The following PARD3 variants were observed in gnomAD, a reference collection of about 807,000 sequenced individuals.
PARD3 encodes par-3 family cell polarity regulator.
In PARD3, 75 loss-of-function variants were observed where a neutral mutation model predicts 155.4. The ratio of observed to expected loss-of-function variants is 0.48; its 90% CI spans 0.40 to 0.58. The LOEUF (loss-of-function observed/expected upper bound fraction) is 0.58. PARD3 is among the 20% of genes least tolerant of loss of function. The probability of loss-of-function intolerance (pLI) is 0.00; values close to 1 mark genes in which losing one functional copy is unlikely to be tolerated. For synonymous variants in PARD3, 576 were observed against 610.5 expected (o/e 0.94, Z 0.83); for missense variants, 1,642 against 1,721.7 (o/e 0.95, Z 0.82).
intron 22 of PARD3, among the ~76,000 whole-genome samples, chr10:34,140,268 T>G (rs994639788): frequency 6.6e-6 from 1 of 152,210 alleles, no homozygotes; most frequent in Admixed American, 6.5e-5. Context: ...GAAAAAACCT[T>G]TAAATGGCAA....
intron 14 of PARD3, among the ~76,000 whole-genome samples, chr10:34,351,714 C>A (rs1160794331): frequency 6.6e-6 from 1 of 152,232 alleles, no homozygotes; most frequent in African/African-American, 2.4e-5. Flanking sequence ...AAAGCCCATG[C>A]TTTTATTGTA....
intron 22 of PARD3, among the ~76,000 whole-genome samples, chr10:34,162,552 C>T (rs972243024): frequency 2.6e-5 from 4 of 152,176 alleles, no homozygotes; most frequent in African/African-American, 9.6e-5. Context: ...GCAGTGCCTA[C>T]TATGCTATGT....
At chr10:34,371,935 G>C (rs1268866644) in intron 12 of PARD3, among the ~76,000 whole-genome samples, 1 of 152,042 alleles carries the variant, frequency 6.6e-6, no homozygotes, top group Non-Finnish European at 1.5e-5. Flanking sequence ...TCCCCAGTCT[G>C]TCTCAGGACT....
chr10:34,795,452 A>G (rs1383823829), intron 1 of PARD3, among the ~76,000 whole-genome samples: 2 of 152,136 alleles, frequency 1.3e-5, no homozygotes, highest in Admixed American at 1.3e-4. Flanking sequence ...CTCTACATAA[A>G]TTCAAAAATT....
At chr10:34,770,720 A>G (rs1838750063) in intron 1 of PARD3, among the ~76,000 whole-genome samples, 1 of 152,218 alleles carries the variant, frequency 6.6e-6, no homozygotes, top group South Asian at 2.1e-4. Flanking sequence ...TTTTGCTTTC[A>G]GAGTAAATTA....
chr10:34,146,275 T>C (rs115595765), intron 22 of PARD3, among the ~76,000 whole-genome samples: 14 of 152,310 alleles, frequency 9.2e-5, no homozygotes, highest in African/African-American at 3.4e-4. Context: ...AACTGGTATA[T>C]GGATGCTTAT....
At chr10:34,255,803 T>C (rs1954622575) in intron 22 of PARD3, among the ~76,000 whole-genome samples, 1 of 152,262 alleles carries the variant, frequency 6.6e-6, no homozygotes, top group African/African-American at 2.4e-5. Flanking sequence ...AGGTGATTTA[T>C]AATTATTTTA....
chr10:34,376,504 C>T (rs914303668), intron 10 of PARD3, among the ~76,000 whole-genome samples: 34 of 152,146 alleles, frequency 2.2e-4, no homozygotes, highest in Non-Finnish European at 1.6e-4. Context: ...CGACTGCAGA[C>T]GTGGGCTAAC....
At chr10:34,242,617 C>T (rs1168924466) in intron 22 of PARD3, among the ~76,000 whole-genome samples, 3 of 152,148 alleles carry the variant, frequency 2.0e-5, no homozygotes, top group African/African-American at 7.2e-5. Context: ...AAAGTATGAA[C>T]TACCTCTCCA....
chr10:34,218,378 C>T (rs1028325175), intron 22 of PARD3, among the ~76,000 whole-genome samples: 1 of 152,102 alleles, frequency 6.6e-6, no homozygotes, highest in African/African-American at 2.4e-5. Flanking sequence ...TGTTAACTAA[C>T]CACCATGAAA....
chr10:34,685,117 G>A (rs1180687595), intron 2 of PARD3, among the ~76,000 whole-genome samples: 2 of 152,088 alleles, frequency 1.3e-5, no homozygotes, highest in African/African-American at 4.8e-5. Context: ...ATTGAAACTA[G>A]GTTTTAATTT....
intron 22 of PARD3, among the ~76,000 whole-genome samples, chr10:34,267,691 A>C (rs1045144022): frequency 1.1e-4 from 16 of 152,232 alleles, no homozygotes; most frequent in African/African-American, 3.6e-4. Context: ...TGCAAAACGT[A>C]GCAACCAATA....
At chr10:34,517,273 T>C (rs2081838913) in intron 2 of PARD3, 114 bp from the exon 3 acceptor site, 2 of 884,684 alleles carry the variant, frequency 2.3e-6, no homozygotes, top group Admixed American at 3.1e-5. Flanking sequence ...TAAATGACCC[T>C]AGAATGGTAA....
At chr10:34,194,769 T>G (rs1037515070) in intron 22 of PARD3, among the ~76,000 whole-genome samples, 11 of 152,212 alleles carry the variant, frequency 7.2e-5, no homozygotes, top group Non-Finnish European at 1.3e-4. Flanking sequence ...TTAAAAATAC[T>G]TAAGAGTTTC....
At chr10:34,445,161 G>A (rs558667391) in intron 5 of PARD3, among the ~76,000 whole-genome samples, 1 of 152,232 alleles carries the variant, frequency 6.6e-6, no homozygotes, top group South Asian at 2.1e-4. Context: ...GAAAGCCTCA[G>A]AAGAGACATC....
intron 22 of PARD3, among the ~76,000 whole-genome samples, chr10:34,254,280 G>A (rs1246046431): frequency 2.0e-5 from 3 of 152,122 alleles, no homozygotes; most frequent in Admixed American, 1.3e-4. Flanking sequence ...TCAGGAGGCT[G>A]AGGCAGAAGA....
At chr10:34,574,006 C>A (rs1434803775) in intron 2 of PARD3, among the ~76,000 whole-genome samples, 1 of 152,014 alleles carries the variant, frequency 6.6e-6, no homozygotes, top group Non-Finnish European at 1.5e-5. Context: ...TTGTATTTAT[C>A]TTTTGAGAGC....
At chr10:34,400,900 T>C (rs1053686857) in intron 6 of PARD3, among the ~76,000 whole-genome samples, 1 of 152,106 alleles carries the variant, frequency 6.6e-6, no homozygotes, top group African/African-American at 2.4e-5. Flanking sequence ...TATCTAATCA[T>C]TGGTTTGTAA....
At chr10:34,307,702 G>T (rs764364440) in intron 20 of PARD3, among the ~76,000 whole-genome samples, 5 of 152,146 alleles carry the variant, frequency 3.3e-5, no homozygotes, top group Non-Finnish European at 7.3e-5. Context: ...AGACTTCAGA[G>T]AGGCCTCAGA....
Sources: gnomAD v4.1 joint callset for allele counts (sites outside exome capture counted in the v4.1 genomes callset) on GRCh38, gnomAD v4.1.1 for gene constraint, MANE v1.5 for transcripts, NCBI Gene and HGNC (gene_info 2026-07-23, HGNC 2026-07-21) for gene names.